The following TEX9 variants were observed in gnomAD, a reference collection of about 807,000 sequenced individuals.
The protein encoded by TEX9 is testis-expressed protein 9.
In TEX9, 74 loss-of-function variants were observed where a neutral mutation model predicts 59.6. The ratio of observed to expected loss-of-function variants is 1.24; its 90% CI spans 1.03 to 1.51. The LOEUF (loss-of-function observed/expected upper bound fraction) is 1.51, where lower values mean the gene tolerates loss of function less well. Among genes scored for constraint, TEX9 ranks in the 40% most tolerant of loss-of-function variants. The pLI is 0.00. For synonymous variants in TEX9, 186 were observed against 152.2 expected, an observed-to-expected ratio of 1.22 and a Z score of -1.64; for missense variants, 522 against 447.8, an observed-to-expected ratio of 1.17 and a Z score of -1.49.
intron 1 of TEX9, among the ~76,000 whole-genome samples, chr15:56,299,656 A>G (rs1190914949): frequency 6.6e-6 from 1 of 152,144 alleles, no homozygotes; most frequent in Non-Finnish European, 1.5e-5. Context: ...AAGAGAGAGA[A>G]GAGTAAAGAG....
chr15:56,403,426 G>A (rs866414028), intron 9 of TEX9, among the ~76,000 whole-genome samples: 2 of 152,202 alleles, frequency 1.3e-5, no homozygotes, highest in Non-Finnish European at 2.9e-5. Flanking sequence ...ACTTACAAGG[G>A]ATGTGAAGGA....
chr15:56,428,791 C>T (rs917764263), intron 12 of TEX9: 11 of 354,720 alleles, frequency 3.1e-5, no homozygotes, highest in Admixed American at 1.8e-4. Context: ...TAAACACAGA[C>T]AGAAGGCAGT....
intron 10 of TEX9, among the ~76,000 whole-genome samples, chr15:56,424,261 C>G (rs2050137197): frequency 6.6e-6 from 1 of 152,054 alleles, no homozygotes; most frequent in Non-Finnish European, 1.5e-5. Flanking sequence ...TATGTTTTAA[C>G]AGTTTTGACT....
rs780293191 is a variant in TEX9, at chr15:56,383,945, A to G, written c.184-7A>G. ...TATGATATATTACCTATCTTTACTCATTTAAGAGAGATCGGCAAGAAGTAC... is the reference window on the plus strand; with the variant it reads ...TATGATATATTACCTATCTTTACTCGTTTAAGAGAGATCGGCAAGAAGTAC... On this transcript the variant is annotated splice_region_variant and splice_polypyrimidine_tract_variant and intron_variant, in intron 3 of 12. Transcript: ENST00000352903. The G allele has an allele frequency of 1.9e-6, 3 of 1,608,554 alleles. No individual in the cohort carries two copies. The highest frequency in any genetic ancestry group is 1.7e-5 in the Admixed American group (1 of 59,304).
intron 1 of TEX9, among the ~76,000 whole-genome samples, chr15:56,360,406 A>T (rs1279612752): frequency 6.6e-6 from 1 of 152,084 alleles, no homozygotes; most frequent in Non-Finnish European, 1.5e-5. Flanking sequence ...GCCTACTCAG[A>T]TTATCTATTT....
chr15:56,369,345 A>G (rs577307269), intron 2 of TEX9, among the ~76,000 whole-genome samples: 4 of 145,872 alleles, frequency 2.7e-5, no homozygotes, highest in South Asian at 4.4e-4. Context: ...GCATGGCACC[A>G]TGCCATGCTA....
intron 10 of TEX9, among the ~76,000 whole-genome samples, chr15:56,415,898 G>A (rs1567135523): frequency 6.6e-6 from 1 of 151,638 alleles, no homozygotes; most frequent in South Asian, 2.1e-4. Context: ...TGTTTTCTCT[G>A]ATTTCTTTGA....
At chr15:56,270,506 C>T (rs900487559) in intron 1 of TEX9, among the ~76,000 whole-genome samples, 2 of 152,240 alleles carry the variant, frequency 1.3e-5, no homozygotes, top group Middle Eastern at 3.4e-3. Flanking sequence ...CTTGATAGAT[C>T]TTCCTCCATC....
At chr15:56,401,666 C>CT in intron 9 of TEX9, among the ~76,000 whole-genome samples, 1 of 151,858 alleles carries the variant, frequency 6.6e-6, no homozygotes, top group South Asian at 2.1e-4. Context: ...AACTCTCCAC[C>CT]CCAACAGAAT....
intron 1 of TEX9, among the ~76,000 whole-genome samples, chr15:56,322,304 G>A (rs982337775): frequency 2.0e-5 from 3 of 152,116 alleles, no homozygotes; most frequent in Non-Finnish European, 2.9e-5. Context: ...GGAGGCCATT[G>A]AGAGTAAGCA....
At chr15:56,412,487 C>T (rs2049407072) in intron 10 of TEX9, 51 bp downstream of exon 10, 1 of 1,521,954 alleles carries the variant, frequency 6.6e-7, no homozygotes, top group Non-Finnish European at 8.9e-7. Context: ...GTAACTACTT[C>T]TTTTATGAAC....
chr15:56,260,426 T>C (rs2044238582), intron 1 of TEX9, among the ~76,000 whole-genome samples: 1 of 152,158 alleles, frequency 6.6e-6, no homozygotes, highest in South Asian at 2.1e-4. Context: ...TGAGAAGTTT[T>C]ATTATGAACT....
At chr15:56,440,631 C>CA (rs1381814426) in intron 12 of TEX9, among the ~76,000 whole-genome samples, 12 of 151,064 alleles carry the variant, frequency 7.9e-5, no homozygotes, top group Non-Finnish European at 1.5e-4. Context: ...TGTTACTCAG[C>CA]AAAAAAAGGG....
At chr15:56,276,042 C>A (rs1001235342) in intron 1 of TEX9, among the ~76,000 whole-genome samples, 6 of 151,958 alleles carry the variant, frequency 3.9e-5, no homozygotes, top group African/African-American at 1.4e-4. Flanking sequence ...CAACATGTTT[C>A]TTTTGTCTGT....
chr15:56,426,535 G>GACAAC (rs1332068494), intron 10 of TEX9, among the ~76,000 whole-genome samples: 3 of 132,108 alleles, frequency 2.3e-5, no homozygotes, highest in Admixed American at 8.7e-5. Context: ...CCATTTTGCT[G>GACAAC]ACAACACTCT....
At chr15:56,249,692 G>C (rs368698217) in intron 1 of TEX9, among the ~76,000 whole-genome samples, 4 of 136,306 alleles carry the variant, frequency 2.9e-5, no homozygotes, top group African/African-American at 8.2e-5. Flanking sequence ...GCAGTGAGTC[G>C]AGATTGTGCC....
chr15:56,369,976 A>ATG (rs1567103259), intron 2 of TEX9, among the ~76,000 whole-genome samples: 1 of 128,842 alleles, frequency 7.8e-6, no homozygotes, highest in East Asian at 2.3e-4. Flanking sequence ...TGCAGTGTCT[A>ATG]TCTTTCTTCA....
intron 7 of TEX9, among the ~76,000 whole-genome samples, chr15:56,392,190 G>A (rs985081633): frequency 6.6e-6 from 1 of 152,154 alleles, no homozygotes; most frequent in Non-Finnish European, 1.5e-5. Flanking sequence ...GTATTAGTCT[G>A]TTCCTGCACT....
chr15:56,307,501 T>C (rs1466972212), intron 1 of TEX9, among the ~76,000 whole-genome samples: 3 of 152,242 alleles, frequency 2.0e-5, no homozygotes, highest in Non-Finnish European at 4.4e-5. Flanking sequence ...TGATTTGAAT[T>C]GAGGTTGATG....
Sources: allele counts gnomAD v4.1 joint callset (sites outside exome capture counted in the v4.1 genomes callset), GRCh38; gene constraint gnomAD v4.1.1; transcripts MANE v1.5; gene names NCBI Gene and HGNC (gene_info 2026-07-23, HGNC 2026-07-21).